CSMD2: variants seen among roughly 807,000 people sequenced by gnomAD.
CSMD2 encodes CUB and Sushi multiple domains 2.
CSMD2 carries 130 observed loss-of-function variants against 398.5 expected under a neutral mutation model. The observed-to-expected ratio is 0.33, with a 90% CI of 0.28 to 0.38. CSMD2 has a LOEUF of 0.38. CSMD2 is among the 10% of genes least tolerant of loss of function. The pLI is 1.00. For missense variants in CSMD2, 3,829 were observed against 4,764.9 expected, an observed-to-expected ratio of 0.80 and a Z score of 5.78; for synonymous variants, 1,828 against 1,908.5, an observed-to-expected ratio of 0.96 and a Z score of 1.10.
chr1:33,708,866 T>C (rs534247632), intron 22 of CSMD2, among the ~76,000 whole-genome samples: 55 of 152,288 alleles, frequency 3.6e-4, no homozygotes, highest in Middle Eastern at 3.4e-3. Flanking sequence ...TACACATGCA[T>C]TTGATAGCAG....
intron 15 of CSMD2, among the ~76,000 whole-genome samples, chr1:33,728,147 G>A (rs188526110): frequency 6.2e-4 from 95 of 152,250 alleles, no homozygotes; most frequent in Middle Eastern, 3.4e-3. Flanking sequence ...AAGCTAAGCC[G>A]CCTCCCATGT....
Position 34,165,186 on chromosome 1 carries a change from A to G in CSMD2, c.-89T>C, listed in dbSNP as rs1008029273. On this transcript the variant is annotated 5_prime_UTR_variant, in exon 1 of 71. Transcript: ENST00000373381. The stretch of plus-strand genomic sequence containing the variant: ...AGCTCTGGAGCTTTTTTCTGCTCGG[A>G]AAAAATCCCGGTACGCGGGAGCCCT... The G allele has an allele frequency of 6.0e-6, 7 of 1,174,056 alleles. No individual in the cohort carries two copies. In the South Asian group the frequency reaches 3.0e-4, roughly 50 times the overall value. 72.7% of individuals were successfully genotyped at this position (1,174,056 alleles called of 1,614,324 possible). A position where few individuals can be genotyped will look rare whatever the true frequency, so the allele number is the denominator to read the frequency against.
rs150243661 is a variant in CSMD2, at chr1:33,887,294, T to C, written c.920+30800A>G. On this transcript the variant is annotated intron_variant, in intron 5 of 70. Coordinates refer to ENST00000373381, the MANE Select transcript of CSMD2 (RefSeq NM_001281956.2). ...AAAATGTTCCTTGCAGCAATATTTATAACATAAACAACGAGGAACAGCCTA... is the reference window on the plus strand; with the variant it reads ...AAAATGTTCCTTGCAGCAATATTTACAACATAAACAACGAGGAACAGCCTA... Among the ~76,000 whole-genome samples, 193 of 152,052 alleles carry C rather than the reference T, an allele frequency of 1.3e-3. 1 individual carries two copies. The highest frequency in any genetic ancestry group is 4.5e-3 in the African/African-American group (185 of 41,504).
chr1:34,115,761 T>C (rs915418147), intron 1 of CSMD2, among the ~76,000 whole-genome samples: 19 of 152,032 alleles, frequency 1.2e-4, no homozygotes, highest in Non-Finnish European at 2.2e-4. Flanking sequence ...AATATAAGTA[T>C]AATGAATACA....
rs760683709 is a variant in CSMD2, at chr1:33,614,474, C to A, written c.6133+30G>T. 1.0e-5 allele frequency: 13 copies of A among 1,275,210 alleles called. No individual in the cohort carries two copies. In the Admixed American group the frequency reaches 1.4e-4, roughly 13 times the overall value. 79.0% of individuals were successfully genotyped at this position (1,275,210 alleles called of 1,614,324 possible). A position where few individuals can be genotyped will look rare whatever the true frequency, so the allele number is the denominator to read the frequency against. ...AAGCTCAAGGGTCTGGGCTTGAAGC[C>A]TGTCTCCTCTGGGGGCTGCAGAGAC... On this transcript the variant is annotated intron_variant, in intron 40 of 70. Transcript: ENST00000373381.
intron 29 of CSMD2, among the ~76,000 whole-genome samples, chr1:33,637,738 C>T (rs375859498): frequency 1.3e-5 from 2 of 152,034 alleles, no homozygotes; most frequent in East Asian, 1.9e-4. Context: ...TATTGGGGGG[C>T]AACAGAGAGG....
chr1:34,000,919 A>G (rs1347824590), intron 3 of CSMD2, among the ~76,000 whole-genome samples: 1 of 151,464 alleles, frequency 6.6e-6, no homozygotes, highest in East Asian at 2.0e-4. Flanking sequence ...ACAGGAAGAG[A>G]AGAGAGAGGA....
chr1:33,825,153 G>A (rs945359249), intron 7 of CSMD2, among the ~76,000 whole-genome samples: 1 of 151,592 alleles, frequency 6.6e-6, no homozygotes, highest in South Asian at 2.1e-4. Context: ...CAAGAAGAGA[G>A]CCCCCAGTGC....
chr1:33,706,351 T>C (rs1194410265), intron 22 of CSMD2, among the ~76,000 whole-genome samples: 2 of 152,218 alleles, frequency 1.3e-5, no homozygotes, highest in Non-Finnish European at 2.9e-5. Context: ...TTTTCTGTGG[T>C]TTACCATCTT....
At chr1:33,589,910 GT>G (rs1389963748) in intron 44 of CSMD2, among the ~76,000 whole-genome samples, 1 of 151,926 alleles carries the variant, frequency 6.6e-6, no homozygotes, top group Non-Finnish European at 1.5e-5. Flanking sequence ...GAAGTATTAA[GT>G]TTTTATGTAG....
chr1:33,586,234 G>C (rs187712274), intron 46 of CSMD2, among the ~76,000 whole-genome samples: 141 of 152,170 alleles, frequency 9.3e-4, no homozygotes, highest in African/African-American at 3.3e-3. Context: ...GAAATTCCCA[G>C]GAATGAAAAA....
chr1:33,572,373 T>C (rs1493991), intron 50 of CSMD2, 133 bp downstream of exon 50: 386,035 of 828,216 alleles, frequency 0.47, 93,967 homozygotes, highest in Admixed American at 0.65. Context: ...TCTGAAATCC[T>C]CCAACCTCCA....
chr1:33,949,933 A>ACTCTCCTG (rs1481240908), intron 3 of CSMD2, among the ~76,000 whole-genome samples: 1 of 151,080 alleles, frequency 6.6e-6, no homozygotes, highest in Non-Finnish European at 1.5e-5. Flanking sequence ...GGCCCAAATT[A>ACTCTCCTG]CTCTCCTGCC....
At chr1:34,012,299 C>G (rs1647458858) in intron 3 of CSMD2, among the ~76,000 whole-genome samples, 1 of 152,178 alleles carries the variant, frequency 6.6e-6, no homozygotes, top group South Asian at 2.1e-4. Context: ...CCTCTTCACA[C>G]AAATACCACC....
chr1:33,541,018 G>A, intron 59 of CSMD2, 112 bp downstream of exon 59: 1 of 1,086,132 alleles, frequency 9.2e-7, no homozygotes, highest in Non-Finnish European at 1.3e-6. Flanking sequence ...CCCCTGATAA[G>A]ATGTTAGGGC....
intron 13 of CSMD2, among the ~76,000 whole-genome samples, chr1:33,748,306 T>C (rs1314069029): frequency 6.6e-6 from 1 of 152,194 alleles, no homozygotes; most frequent in Non-Finnish European, 1.5e-5. Flanking sequence ...TTTTAAAAAG[T>C]TGTAATTGGA....
intron 2 of CSMD2, among the ~76,000 whole-genome samples, chr1:34,052,526 T>TGC (rs1275352133): frequency 6.7e-6 from 1 of 149,062 alleles, no homozygotes. Flanking sequence ...TGTGTGTGTG[T>TGC]GTGTAAGAAA....
At chr1:33,750,832 T>A (rs1269195709) in intron 13 of CSMD2, among the ~76,000 whole-genome samples, 2 of 152,112 alleles carry the variant, frequency 1.3e-5, no homozygotes, top group African/African-American at 4.8e-5. Flanking sequence ...GAAGAAAATA[T>A]AAGGAATATT....
intron 42 of CSMD2, among the ~76,000 whole-genome samples, chr1:33,602,848 T>C (rs944125481): frequency 1.3e-5 from 2 of 152,142 alleles, no homozygotes; most frequent in African/African-American, 4.8e-5. Flanking sequence ...CCTGAAGCTG[T>C]CCCCTCTCCC....
Sources: gnomAD v4.1 joint callset for allele counts (sites outside exome capture counted in the v4.1 genomes callset) on GRCh38, gnomAD v4.1.1 for gene constraint, MANE v1.5 for transcripts, NCBI Gene and HGNC (gene_info 2026-07-23, HGNC 2026-07-21) for gene names.